Variants in SLC23A2 observed in about 807,000 individuals in gnomAD.
SLC23A2 encodes solute carrier family 23 member 2.
Under a neutral mutation model 73.3 loss-of-function variants are expected in SLC23A2, and 36 were observed. The observed-to-expected ratio is 0.49, with a 90% CI of 0.38 to 0.65. SLC23A2 has a LOEUF of 0.65. SLC23A2 is among the 30% of genes least tolerant of loss of function. The probability of loss-of-function intolerance (pLI) is 0.00; values close to 1 mark genes in which losing one functional copy is unlikely to be tolerated. For missense variants in SLC23A2, 507 were observed against 841.6 expected (o/e 0.60, Z 4.92); for synonymous variants, 343 against 327.3 (o/e 1.05, Z -0.52).
exon 1 of SLC23A2, chr20:5,010,271 C>T (rs71333986): frequency 0.015 from 2,228 of 152,188 alleles, 33 homozygotes; most frequent in Non-Finnish European, 0.023. Context: ...GCTGTGATGT[C>T]CAAGGGCAGG....
chr20:4,975,722 A>T (rs2122241163), intron 1 of SLC23A2, among the ~76,000 whole-genome samples: 1 of 151,062 alleles, frequency 6.6e-6, no homozygotes, highest in East Asian at 2.0e-4. Context: ...ACATGTAAAG[A>T]ATGACATCTG....
intron 3 of SLC23A2, among the ~76,000 whole-genome samples, chr20:4,924,215 C>G (rs1409566370): frequency 3.9e-5 from 6 of 152,212 alleles, no homozygotes; most frequent in Admixed American, 3.9e-4. Flanking sequence ...TCTTCCAGGA[C>G]AGCAACTTGC....
intron 4 of SLC23A2, among the ~76,000 whole-genome samples, chr20:4,903,853 G>A (rs1366614680): frequency 2.0e-5 from 3 of 152,214 alleles, no homozygotes; most frequent in African/African-American, 2.4e-5. Flanking sequence ...GTACGTATGT[G>A]TCTGAGGGGT....
chr20:4,935,631 A>T (rs2086950879), intron 2 of SLC23A2, among the ~76,000 whole-genome samples: 1 of 151,746 alleles, frequency 6.6e-6, no homozygotes, highest in Non-Finnish European at 1.5e-5. Flanking sequence ...ATCCCATCTC[A>T]ACTAAAAATA....
intron 11 of SLC23A2, among the ~76,000 whole-genome samples, chr20:4,871,965 T>C (rs1930464905): frequency 6.6e-6 from 1 of 152,200 alleles, no homozygotes; most frequent in African/African-American, 2.4e-5. Context: ...TTTTGATCCT[T>C]TTTCCTTCAG....
chr20:4,948,133 G>A (rs934861965), intron 2 of SLC23A2, among the ~76,000 whole-genome samples: 1 of 152,164 alleles, frequency 6.6e-6, no homozygotes, highest in Non-Finnish European at 1.5e-5. Context: ...GCAGGCTCAG[G>A]TGCTGGGAGA....
At chr20:4,910,633 G>A (rs372876749) in intron 4 of SLC23A2, among the ~76,000 whole-genome samples, 1 of 151,836 alleles carries the variant, frequency 6.6e-6, no homozygotes. Context: ...ACGGGGTTTC[G>A]CCATGTTGGC....
At position 4,857,095 on chromosome 20, in the gene SLC23A2, T is replaced by C; in HGVS notation, c.1830A>G (p.Ile610Met). ...SYNLPFGMNIIKKYRCFSYLP... is the reference protein window; with the variant it reads ...SYNLPFGMNIMKKYRCFSYLP... ...AGTAGCTGAAGCATCTGTATTTTTTTATAATGTTCATGCCAAATGGCAAAT... is the reference window on the plus strand; with the variant it reads ...AGTAGCTGAAGCATCTGTATTTTTTCATAATGTTCATGCCAAATGGCAAAT... Residue 610 changes from isoleucine (I) to methionine (M), a missense_variant, in exon 17 of 17, where the codon ATA becomes ATG. By Grantham distance (10) the Ile-to-Met change is conservative. Transcript: ENST00000338244. This position sits in a 1 kb window ranked among gnomAD's most constrained non-coding sequence, Gnocchi z 4.0. 6.2e-7 allele frequency: 1 copy of C among 1,614,124 alleles called. No homozygotes were observed. The highest frequency in any genetic ancestry group is 8.5e-7 in the Non-Finnish European group (1 of 1,179,946).
At chr20:4,987,268 A>G (rs954725999) in intron 1 of SLC23A2, among the ~76,000 whole-genome samples, 4 of 152,212 alleles carry the variant, frequency 2.6e-5, no homozygotes, top group African/African-American at 9.6e-5. Flanking sequence ...AAACCCATCA[A>G]ACTTCTCTGA....
intron 1 of SLC23A2, among the ~76,000 whole-genome samples, chr20:4,983,439 G>T (rs1255905888): frequency 1.3e-5 from 2 of 151,944 alleles, no homozygotes; most frequent in Admixed American, 6.6e-5. Flanking sequence ...AAGGTGAGGA[G>T]ATCGAGACCA....
intron 3 of SLC23A2, among the ~76,000 whole-genome samples, chr20:4,931,410 A>G (rs1432142928): frequency 6.6e-6 from 1 of 152,138 alleles, no homozygotes; most frequent in African/African-American, 2.4e-5. Flanking sequence ...GAGTCTCTTT[A>G]TCATCAGGCT....
chr20:4,871,451 G>C (rs939224984), intron 11 of SLC23A2, among the ~76,000 whole-genome samples: 3 of 152,128 alleles, frequency 2.0e-5, no homozygotes, highest in Non-Finnish European at 4.4e-5. Flanking sequence ...GGTGAACGCA[G>C]AGCTCTCATG....
chr20:4,928,342 A>G (rs943430648), intron 3 of SLC23A2, among the ~76,000 whole-genome samples: 3 of 152,244 alleles, frequency 2.0e-5, no homozygotes, highest in African/African-American at 7.2e-5. Flanking sequence ...CACCCAGCCT[A>G]TAACATGTTT....
chr20:4,941,676 T>G (rs1408148025), intron 2 of SLC23A2, among the ~76,000 whole-genome samples: 2 of 150,824 alleles, frequency 1.3e-5, no homozygotes, highest in Non-Finnish European at 2.9e-5. Context: ...CACTCCAGTC[T>G]GGGTGACAGG....
At chr20:4,926,047 G>A (rs1932660313) in intron 3 of SLC23A2, among the ~76,000 whole-genome samples, 1 of 152,194 alleles carries the variant, frequency 6.6e-6, no homozygotes, top group South Asian at 2.1e-4. Context: ...ATCAATGGAG[G>A]AACGTGAGGC....
intron 1 of SLC23A2, among the ~76,000 whole-genome samples, chr20:4,984,304 C>T (rs1473925926): frequency 6.6e-6 from 1 of 151,880 alleles, no homozygotes; most frequent in Non-Finnish European, 1.5e-5. Context: ...CCTGTAATCC[C>T]AGCACTTTGG....
intron 3 of SLC23A2, among the ~76,000 whole-genome samples, chr20:4,915,435 T>C (rs888770397): frequency 2.0e-5 from 3 of 152,222 alleles, no homozygotes; most frequent in African/African-American, 7.2e-5. Context: ...TTCCCCTTTT[T>C]ATATTTTGGT....
intron 8 of SLC23A2, among the ~76,000 whole-genome samples, chr20:4,884,500 C>T (rs556634670): frequency 4.6e-5 from 7 of 152,288 alleles, no homozygotes; most frequent in South Asian, 2.1e-4. Flanking sequence ...GCTGTGCTGG[C>T]GGGTGTGAGT....
chr20:4,897,778 G>A lies in SLC23A2; in HGVS notation c.482+1777C>T, dbSNP rs114614504. 5.0e-3 allele frequency among the ~76,000 whole-genome samples: 760 copies of A among 152,250 alleles called. 8 individuals carry two copies. Among genetic ancestry groups the A allele is most frequent in the African/African-American group, 0.017 (714 of 41,544 alleles). ...CAGGCTCAGCTGCTGGCCAGGCCTG[G>A]CCTCCTTGGCATGAGCTGGGGCAGA... is the stretch of plus-strand genomic sequence containing the variant. On this transcript the variant is annotated intron_variant, in intron 6 of 16. Transcript: ENST00000338244.
Sources: allele counts gnomAD v4.1 joint callset (sites outside exome capture counted in the v4.1 genomes callset), GRCh38; gene constraint gnomAD v4.1.1; non-coding constraint Gnocchi (gnomAD v3.1); transcripts MANE v1.5; gene names NCBI Gene and HGNC (gene_info 2026-07-23, HGNC 2026-07-21).